MYH13: variants seen among roughly 807,000 people sequenced by gnomAD.
The protein encoded by MYH13 is myosin-13.
MYH13 carries 177 observed loss-of-function variants against 232.1 expected under a neutral mutation model. That is an observed-to-expected ratio of 0.76 (90% CI 0.67 to 0.86). The LOEUF is 0.86. Ranked by LOEUF, MYH13 falls within the 40% of genes least tolerant of loss-of-function variation. The probability of loss-of-function intolerance (pLI) is 0.00; values close to 1 mark genes in which losing one functional copy is unlikely to be tolerated. For missense variants in MYH13, 2,246 were observed against 2,405.9 expected (o/e 0.93, Z 1.39); for synonymous variants, 884 against 923.5 (o/e 0.96, Z 0.78).
At position 10,320,339 on chromosome 17, in the gene MYH13, A is replaced by C. The variant is rs1272183521; in HGVS notation, c.3257+12T>G. On this transcript the variant is annotated intron_variant, in intron 25 of 40. Transcript: ENST00000252172. ...TAGGCTGAGACACAGAGGTGGTAAA[A>C]GAAATATCTACTTTTTCAATTTCTC... 1.2e-6 allele frequency: 2 copies of C among 1,610,918 alleles called. No individual in the cohort carries two copies. Among genetic ancestry groups the C allele is most frequent in the African/African-American group, 2.7e-5 (2 of 74,850 alleles).
chr17:10,306,399 G>A lies in MYH13; in HGVS notation c.5466+60C>T, dbSNP rs1449868148. Reference sequence around the variant, plus strand: ...GCCTTTTCCCACCATCTCAGTTTCTGGACTGTGGTTCTGTCCGAGGCTGTC... The same window carrying A: ...GCCTTTTCCCACCATCTCAGTTTCTAGACTGTGGTTCTGTCCGAGGCTGTC... On this transcript the variant is annotated intron_variant, in intron 37 of 40. Coordinates refer to ENST00000252172, the MANE Select transcript of MYH13 (RefSeq NM_003802.3). This position sits in a 1 kb window ranked among gnomAD's most constrained non-coding sequence, Gnocchi z 4.3. The A allele has an allele frequency of 1.2e-6, 2 of 1,604,592 alleles. No homozygotes were observed. Among genetic ancestry groups the A allele is most frequent in the African/African-American group, 2.7e-5 (2 of 74,416 alleles).
intron 39 of MYH13, 52 bp downstream of exon 39, chr17:10,303,144 T>A (rs1906154718): frequency 1.3e-6 from 2 of 1,522,056 alleles, no homozygotes; most frequent in Admixed American, 1.7e-5. Flanking sequence ...ACACCCAGGA[T>A]GCCCCAGGGA....
intron 20 of MYH13, among the ~76,000 whole-genome samples, 152 bp downstream of exon 20, chr17:10,331,947 G>T (rs1907419542): frequency 6.6e-6 from 1 of 152,170 alleles, no homozygotes; most frequent in Non-Finnish European, 1.5e-5. Context: ...GACAAGCTCT[G>T]TCTACCTAGA....
intron 39 of MYH13, 76 bp downstream of exon 39, chr17:10,303,120 C>A: frequency 7.4e-7 from 1 of 1,350,648 alleles, no homozygotes; most frequent in South Asian, 1.2e-5. Flanking sequence ...ACTTTACCAA[C>A]CAGGATGGCG....
chr17:10,302,966 G>A (rs1906145855), intron 39 of MYH13, among the ~76,000 whole-genome samples: 1 of 152,014 alleles, frequency 6.6e-6, no homozygotes, highest in East Asian at 1.9e-4. Flanking sequence ...GAAGGGGATG[G>A]AGGGGGCTGG....
intron 11 of MYH13, among the ~76,000 whole-genome samples, chr17:10,351,248 T>C (rs946849594): frequency 9.2e-6 from 1 of 109,210 alleles, no homozygotes; most frequent in Non-Finnish European, 2.2e-5. Flanking sequence ...GAACTGATTA[T>C]GATCTTTTCT....
At chr17:10,354,281 A>G (rs1190683116) in intron 11 of MYH13, among the ~76,000 whole-genome samples, 2 of 152,332 alleles carry the variant, frequency 1.3e-5, no homozygotes, top group East Asian at 3.9e-4. Flanking sequence ...TGGAGAGGCT[A>G]TTACAGAGTG....
rs1467990792 is a variant in MYH13 at position 10,323,777 on chromosome 17, AAAAAAAAAAAAAG to A, written c.2934+232_2934+244del. On this transcript the variant is annotated intron_variant, in intron 23 of 40. Transcript: ENST00000252172. ...GACTCCATCTCACAAAAAAAAAAAAAAAAAAAAAAAAAGAAGAAGAAGAAGAAGAAGAAGAAGA... is the reference window on the plus strand; with the variant it reads ...GACTCCATCTCACAAAAAAAAAAAAAAAGAAGAAGAAGAAGAAGAAGAAGA... 3.2e-4 allele frequency among the ~76,000 whole-genome samples: 34 copies of A among 106,364 alleles called. 1 individual carries two copies. The highest frequency in any genetic ancestry group is 7.1e-4 in the African/African-American group (21 of 29,762). The allele number at this position is 106,364 out of a possible 152,430, so 69.8% of individuals were successfully genotyped here.
At chr17:10,333,524 G>A (rs936692701) in intron 18 of MYH13, among the ~76,000 whole-genome samples, 8 of 151,972 alleles carry the variant, frequency 5.3e-5, no homozygotes, top group Admixed American at 5.2e-4. Context: ...GGCTTCCCAT[G>A]GGATAACCCG....
chr17:10,332,387 GC>G (rs1180195179), intron 19 of MYH13, among the ~76,000 whole-genome samples, 165 bp from the exon 20 acceptor site: 4 of 152,278 alleles, frequency 2.6e-5, no homozygotes, highest in Non-Finnish European at 5.9e-5. Flanking sequence ...TAGCAAGGGG[GC>G]TTGAATCAGC....
intron 35 of MYH13, 49 bp from the exon 36 acceptor site, chr17:10,307,113 A>T (rs1007485657): frequency 1.3e-6 from 2 of 1,590,502 alleles, no homozygotes; most frequent in South Asian, 2.3e-5. Context: ...TGGGGCGCTT[A>T]AAAAAATTGG....
intron 30 of MYH13, among the ~76,000 whole-genome samples, 157 bp downstream of exon 30, chr17:10,313,001 A>G (rs1906565892): frequency 6.6e-6 from 1 of 152,044 alleles, no homozygotes; most frequent in African/African-American, 2.4e-5. Flanking sequence ...CCCGAGAAGA[A>G]GGACAGGGAG....
At chr17:10,307,146 A>C in intron 35 of MYH13, 82 bp from the exon 36 acceptor site, 1 of 1,536,580 alleles carries the variant, frequency 6.5e-7, no homozygotes, top group East Asian at 2.3e-5. Context: ...TGGGGAGGGA[A>C]GTAAATTGTG....
chr17:10,324,671 G>A (rs900369843), intron 22 of MYH13, among the ~76,000 whole-genome samples: 3 of 149,616 alleles, frequency 2.0e-5, no homozygotes, highest in South Asian at 2.1e-4. Context: ...GTCTCCAAAC[G>A]CCTGACCTCA....
In MYH13 at chr17:10,306,491, C is replaced by T. The variant is rs754300115; in HGVS notation, c.5434G>A (p.Gly1812Arg). 17 of 1,614,120 alleles carry T rather than the reference C, an allele frequency of 1.1e-5. No individual in the cohort carries two copies. The highest frequency in any genetic ancestry group is 3.3e-4 in the Middle Eastern group (2 of 6,060). Residue 1812 changes from glycine to arginine, a missense_variant, in exon 37 of 41, where the codon GGG becomes AGG. Coordinates refer to ENST00000252172, the MANE Select transcript of MYH13 (RefSeq NM_003802.3). This position sits in a 1 kb window ranked among gnomAD's most constrained non-coding sequence, Gnocchi z 4.3. ...DEAEQLALKG[G>R]KKQIQKLENR... ...TCCAGTTTCTGGATCTGCTTCTTCC[C>T]GCCCTTCAGCGCCAGTTGTTCAGCC...
At chr17:10,324,408 T>G (rs1907121768) in intron 22 of MYH13, 144 bp from the exon 23 acceptor site, 1 of 933,082 alleles carries the variant, frequency 1.1e-6, no homozygotes, top group Non-Finnish European at 1.6e-6. Flanking sequence ...GTGCACACAC[T>G]GCACACACAC....
chr17:10,329,474 C>T (rs1287693134), intron 21 of MYH13, among the ~76,000 whole-genome samples: 1 of 152,226 alleles, frequency 6.6e-6, no homozygotes, highest in Non-Finnish European at 1.5e-5. Context: ...TGTGTTCACT[C>T]TCCTAGCTGC....
chr17:10,331,835 C>G lies in MYH13; in HGVS notation c.2298+264G>C, dbSNP rs144237671. 4.5e-4 allele frequency among the ~76,000 whole-genome samples: 69 copies of G among 152,226 alleles called. No individual in the cohort carries two copies. The East Asian group carries it at 0.012, about 26-fold the overall frequency. ...TCCTCTCTCTTCAGCTCTTTCTTAC[C>G]TCTGGGACACTAGAGTTCCCCATTG... On this transcript the variant is annotated intron_variant, in intron 20 of 40. Transcript: ENST00000252172.
chr17:10,370,820 C>T (rs769476608), intron 2 of MYH13, among the ~76,000 whole-genome samples: 3 of 152,178 alleles, frequency 2.0e-5, no homozygotes, highest in African/African-American at 4.8e-5. Context: ...TTCAGTATTA[C>T]ACGTGAGGGA....
Sources: gnomAD v4.1 joint callset for allele counts (sites outside exome capture counted in the v4.1 genomes callset) on GRCh38, gnomAD v4.1.1 for gene constraint, Gnocchi (gnomAD v3.1) non-coding constraint, MANE v1.5 for transcripts, NCBI Gene and HGNC (gene_info 2026-07-23, HGNC 2026-07-21) for gene names.